DOCK1: variants seen among roughly 807,000 people sequenced by gnomAD.
DOCK1 encodes the protein dedicator of cytokinesis 1, also known as dedicator of cytokinesis protein 1.
Under a neutral mutation model 262.7 loss-of-function variants are expected in DOCK1, and 138 were observed. That is an observed-to-expected ratio of 0.53 (90% CI 0.46 to 0.61). The LOEUF (loss-of-function observed/expected upper bound fraction) is 0.61. Ranked by LOEUF, DOCK1 falls within the 20% of genes least tolerant of loss-of-function variation. The probability of loss-of-function intolerance (pLI) is 0.00; values close to 1 mark genes in which losing one functional copy is unlikely to be tolerated. For missense variants in DOCK1, 1,908 were observed against 2,370.7 expected (o/e 0.80, Z 4.05); for synonymous variants, 866 against 867.4 (o/e 1.00, Z 0.03).
chr10:127,356,779 A>C (rs971244943), intron 32 of DOCK1, among the ~76,000 whole-genome samples: 1 of 151,856 alleles, frequency 6.6e-6, no homozygotes, highest in East Asian at 1.9e-4. Flanking sequence ...CAGACCCCAG[A>C]CCTCTTCTCT....
intron 27 of DOCK1, among the ~76,000 whole-genome samples, chr10:127,233,560 G>C (rs1225796537): frequency 6.6e-6 from 1 of 152,132 alleles, no homozygotes; most frequent in African/African-American, 2.4e-5. Flanking sequence ...GTCTTATTAA[G>C]ATACTAATTA....
intron 23 of DOCK1, among the ~76,000 whole-genome samples, chr10:127,097,392 C>T (rs999195708): frequency 2.0e-5 from 3 of 152,144 alleles, no homozygotes; most frequent in African/African-American, 7.2e-5. Flanking sequence ...ATAGTTTTAC[C>T]ACTGGCTGTG....
chr10:127,205,303 C>T (rs142902641), intron 27 of DOCK1, among the ~76,000 whole-genome samples: 1 of 152,206 alleles, frequency 6.6e-6, no homozygotes, highest in African/African-American at 2.4e-5. Context: ...CACTCTGGAG[C>T]TTTCTCTGCT....
At chr10:127,430,730 G>A (rs1427374260) in intron 47 of DOCK1, among the ~76,000 whole-genome samples, 2 of 152,026 alleles carry the variant, frequency 1.3e-5, no homozygotes, top group Non-Finnish European at 2.9e-5. Flanking sequence ...GATGAAGTGT[G>A]CCTGCTTCTT....
intron 21 of DOCK1, among the ~76,000 whole-genome samples, chr10:127,048,694 T>C (rs942861130): frequency 2.0e-5 from 3 of 152,202 alleles, no homozygotes; most frequent in Admixed American, 2.0e-4. Context: ...CCAGGTGTGT[T>C]TCAAGTGCTG....
At chr10:127,153,715 A>C in intron 27 of DOCK1, 1 of 672,454 alleles carries the variant, frequency 1.5e-6, no homozygotes, top group Non-Finnish European at 2.6e-6. Flanking sequence ...GTAGCTTAGA[A>C]TTACAGTCAA....
intron 1 of DOCK1, among the ~76,000 whole-genome samples, chr10:126,948,673 G>T (rs1363662510): frequency 6.6e-6 from 1 of 151,980 alleles, no homozygotes; most frequent in Non-Finnish European, 1.5e-5. Flanking sequence ...CAGAGGCACT[G>T]CTTCCCAGGA....
intron 31 of DOCK1, among the ~76,000 whole-genome samples, chr10:127,346,839 G>A (rs766346690): frequency 1.3e-5 from 2 of 152,192 alleles, no homozygotes; most frequent in Non-Finnish European, 2.9e-5. Flanking sequence ...AAGTCCCCAG[G>A]CAGTTCAGAA....
chr10:126,920,701 G>A (rs946171043), intron 1 of DOCK1, among the ~76,000 whole-genome samples: 1 of 152,176 alleles, frequency 6.6e-6, no homozygotes, highest in Non-Finnish European at 1.5e-5. Context: ...AGGCCAAGAG[G>A]CAAAATGGAG....
Position 127,085,901 on chromosome 10 carries a change from A to G in DOCK1, c.2446-20330A>G, listed in dbSNP as rs183772987. Among the ~76,000 whole-genome samples, 4 of 152,308 alleles carry G rather than the reference A, an allele frequency of 2.6e-5. No homozygotes were observed. In the East Asian group the frequency reaches 7.7e-4, roughly 29 times the overall value. Reference sequence around the variant, plus strand: ...TTGTATCACAGTCCAGTTGTGGGACATTGTGGATCACTGCAGGCTGCACAC... The same window carrying G: ...TTGTATCACAGTCCAGTTGTGGGACGTTGTGGATCACTGCAGGCTGCACAC... On this transcript the variant is annotated intron_variant, in intron 23 of 51. Coordinates refer to ENST00000623213, the MANE Select transcript of DOCK1 (RefSeq NM_001290223.2).
chr10:127,294,981 T>G (rs1375638654), intron 29 of DOCK1, among the ~76,000 whole-genome samples: 2 of 152,016 alleles, frequency 1.3e-5, no homozygotes, highest in Non-Finnish European at 2.9e-5. Flanking sequence ...ACATATAGAA[T>G]TATTATGGGG....
intron 27 of DOCK1, among the ~76,000 whole-genome samples, chr10:127,228,320 C>T (rs530659099): frequency 2.0e-4 from 31 of 152,242 alleles, no homozygotes; most frequent in Middle Eastern, 6.8e-3. Context: ...TTCTCCAGAA[C>T]GTGTATGTGC....
intron 27 of DOCK1, among the ~76,000 whole-genome samples, chr10:127,181,412 G>T (rs965116163): frequency 6.6e-6 from 1 of 152,190 alleles, no homozygotes; most frequent in African/African-American, 2.4e-5. Flanking sequence ...GTGCTGATTT[G>T]CAGGTTTGCA....
rs555681790 is a variant in DOCK1 at position 127,015,584 on chromosome 10, C to T, written c.1202-3126C>T. Among the ~76,000 whole-genome samples the T allele has an allele frequency of 4.6e-5, 7 of 152,204 alleles. No homozygotes were observed. In the South Asian group the frequency reaches 6.2e-4, roughly 14 times the overall value. Reference sequence around the variant, plus strand: ...TTCCTATTTCAAGGAACGGTGCCCCCGGGACTTGCTAGTGGTTGTGCCTGC... The same window carrying T: ...TTCCTATTTCAAGGAACGGTGCCCCTGGGACTTGCTAGTGGTTGTGCCTGC... On this transcript the variant is annotated intron_variant, in intron 12 of 51. Transcript: ENST00000623213.
At chr10:127,304,260 C>G (rs2135452397) in intron 29 of DOCK1, among the ~76,000 whole-genome samples, 1 of 152,286 alleles carries the variant, frequency 6.6e-6, no homozygotes, top group South Asian at 2.1e-4. Context: ...CCAAACCATG[C>G]CATTCCAGGA....
chr10:127,045,830 G>A (rs1384301119), intron 21 of DOCK1, among the ~76,000 whole-genome samples: 4 of 152,170 alleles, frequency 2.6e-5, no homozygotes, highest in African/African-American at 9.7e-5. Context: ...TGGAGCTGCT[G>A]CAGGCTCCTC....
Position 127,445,365 on chromosome 10 carries a change from G to A in DOCK1, c.5413+1086G>A, listed in dbSNP as rs865981799. Among the ~76,000 whole-genome samples, 5 of 152,188 alleles carry A rather than the reference G, an allele frequency of 3.3e-5. No homozygotes were observed. In the South Asian group the frequency reaches 6.2e-4, roughly 19 times the overall value. On this transcript the variant is annotated intron_variant, in intron 50 of 51. Coordinates refer to ENST00000623213, the MANE Select transcript of DOCK1 (RefSeq NM_001290223.2). Reference sequence around the variant, plus strand: ...GCTCCTGATTTTCCTCTTGCTGAAAGGGGAGCAGTCATGATTCTGGAGACT... The same window carrying A: ...GCTCCTGATTTTCCTCTTGCTGAAAAGGGAGCAGTCATGATTCTGGAGACT...
intron 29 of DOCK1, among the ~76,000 whole-genome samples, chr10:127,302,481 T>C (rs532166937): frequency 7.2e-5 from 11 of 152,234 alleles, no homozygotes; most frequent in African/African-American, 2.6e-4. Flanking sequence ...ATGGTTGCTT[T>C]CCATAGGTAA....
chr10:126,948,661 G>T (rs1238176814), intron 1 of DOCK1, among the ~76,000 whole-genome samples: 4 of 151,978 alleles, frequency 2.6e-5, no homozygotes, highest in Non-Finnish European at 5.9e-5. Flanking sequence ...GGTATGCTGA[G>T]CCAGAGGCAC....
Sources: gnomAD v4.1 joint callset for allele counts (sites outside exome capture counted in the v4.1 genomes callset) on GRCh38, gnomAD v4.1.1 for gene constraint, MANE v1.5 for transcripts, NCBI Gene and HGNC (gene_info 2026-07-23, HGNC 2026-07-21) for gene names.